Variants in SLC6A5 observed in about 807,000 individuals in gnomAD.
SLC6A5 encodes the protein solute carrier family 6 member 5.
A neutral mutation model predicts 90.5 loss-of-function variants in SLC6A5; 58 were observed. The observed-to-expected ratio is 0.64, with a 90% CI of 0.52 to 0.80. The LOEUF is 0.80. SLC6A5 is among the 30% of genes least tolerant of loss of function. SLC6A5 has a pLI of 0.00. For synonymous variants in SLC6A5, 427 were observed against 401.4 expected, an observed-to-expected ratio of 1.06 and a Z score of -0.76; for missense variants, 1,015 against 1,017.6, an observed-to-expected ratio of 1.00 and a Z score of 0.03.
At chr11:20,616,303 A>G (rs1400819936) in intron 6 of SLC6A5, among the ~76,000 whole-genome samples, 1 of 152,188 alleles carries the variant, frequency 6.6e-6, no homozygotes, top group Non-Finnish European at 1.5e-5. Context: ...GCACTGAGCA[A>G]CTGAGTCTGA....
At chr11:20,599,804 C>A in intron 1 of SLC6A5, 129 bp downstream of exon 1, 1 of 1,056,410 alleles carries the variant, frequency 9.5e-7, no homozygotes, top group Non-Finnish European at 1.5e-6. Context: ...ACGAGGAGAA[C>A]AATTCTCGCA....
At chr11:20,646,207 TCTC>T (rs1417306032) in intron 13 of SLC6A5, among the ~76,000 whole-genome samples, 1 of 152,172 alleles carries the variant, frequency 6.6e-6, no homozygotes, top group Non-Finnish European at 1.5e-5. Context: ...AGAGTAACCA[TCTC>T]CTCTGTTTTT....
chr11:20,633,863 C>T (rs959718227), intron 10 of SLC6A5, among the ~76,000 whole-genome samples: 1 of 152,050 alleles, frequency 6.6e-6, no homozygotes, highest in Non-Finnish European at 1.5e-5. Flanking sequence ...GCAAGAGGTA[C>T]AGCCAGTTTG....
chr11:20,655,662 G>A lies in SLC6A5; in HGVS notation c.*794G>A, dbSNP rs1475140705. 1 of 152,218 alleles carries A rather than the reference G, an allele frequency of 6.6e-6. No individual in the cohort carries two copies. Among genetic ancestry groups the A allele is most frequent in the African/African-American group, 2.4e-5 (1 of 41,406 alleles). 9.4% of individuals were successfully genotyped at this position (152,218 alleles called of 1,614,324 possible). A position where few individuals can be genotyped will look rare whatever the true frequency, so the allele number is the denominator to read the frequency against. ...CCTCATTTTGTACGTTCATAGTAGA[G>A]CTCCATGCTCATTTCTACATGATAT... On this transcript the variant is annotated 3_prime_UTR_variant, in exon 16 of 16. Transcript: ENST00000525748.
chr11:20,600,731 G>A (rs533813265), intron 1 of SLC6A5, among the ~76,000 whole-genome samples: 1 of 152,294 alleles, frequency 6.6e-6, no homozygotes, highest in Admixed American at 6.5e-5. Context: ...GAATGACAAA[G>A]GAAATGGGGC....
At chr11:20,652,194 G>A (rs1055629373) in intron 14 of SLC6A5, 95 bp from the exon 15 acceptor site, 43 of 1,150,146 alleles carry the variant, frequency 3.7e-5, no homozygotes, top group African/African-American at 1.1e-4. Flanking sequence ...TAATAGAGAC[G>A]AAAGCATCAA....
chr11:20,601,666 G>A lies in SLC6A5; in HGVS notation c.540+1G>A. ...CAGCGTGGCCACCGTTGCCACCCAG[G>A]TAAGCAGGTTGCATTACGGCCCGCA... On this transcript the variant is annotated splice_donor_variant, in intron 2 of 15. Coordinates refer to ENST00000525748, the MANE Select transcript of SLC6A5 (RefSeq NM_004211.5). LOFTEE classifies it high-confidence loss of function. The A allele has an allele frequency of 6.2e-7, 1 of 1,613,278 alleles. No individual in the cohort carries two copies.
At chr11:20,651,198 C>T (rs1391247779) in intron 14 of SLC6A5, among the ~76,000 whole-genome samples, 2 of 143,870 alleles carry the variant, frequency 1.4e-5, no homozygotes, top group Admixed American at 7.0e-5. Context: ...TGGGTTTCCC[C>T]TCCCTCCCCT....
At chr11:20,640,469 C>T (rs1414488471) in intron 13 of SLC6A5, among the ~76,000 whole-genome samples, 1 of 151,782 alleles carries the variant, frequency 6.6e-6, no homozygotes, top group Admixed American at 6.6e-5. Context: ...TGCTTTAGTC[C>T]CTGGGCTATG....
chr11:20,626,675 T>C, intron 7 of SLC6A5, 33 bp from the exon 8 acceptor site: 1 of 1,612,950 alleles, frequency 6.2e-7, no homozygotes, highest in South Asian at 1.1e-5. Flanking sequence ...GCAGGGCTGC[T>C]TCTTCCAGCC....
intron 6 of SLC6A5, 120 bp from the exon 7 acceptor site, chr11:20,617,631 TG>T: frequency 1.2e-6 from 1 of 824,688 alleles, no homozygotes. Context: ...GTGGGGTGGG[TG>T]GAGGATGCTG....
chr11:20,615,322 T>C (rs145382021), intron 6 of SLC6A5, among the ~76,000 whole-genome samples: 378 of 152,336 alleles, frequency 2.5e-3, no homozygotes, highest in Non-Finnish European at 4.8e-3. Context: ...TCAGCTACCA[T>C]TGGAAGATTT....
chr11:20,616,735 T>C (rs1852789717), intron 6 of SLC6A5, among the ~76,000 whole-genome samples: 1 of 152,184 alleles, frequency 6.6e-6, no homozygotes, highest in African/African-American at 2.4e-5. Context: ...AGAGGCTCTG[T>C]CTGCACAGGG....
chr11:20,643,199 A>G (rs1476981937), intron 13 of SLC6A5, among the ~76,000 whole-genome samples: 2 of 151,870 alleles, frequency 1.3e-5, no homozygotes, highest in Non-Finnish European at 2.9e-5. Flanking sequence ...ATTGATGCTA[A>G]TAATAGAAAT....
At chr11:20,608,946 CTCTCTCTCTCTCTGTGTGTGTGTGTG>C (rs55804261) in intron 5 of SLC6A5, among the ~76,000 whole-genome samples, 31,951 of 114,004 alleles carry the variant, frequency 0.28, 3,931 homozygotes, top group Non-Finnish European at 0.34. Context: ...CTCTCTCTCT[CTCTCTCTCTCTCTGTGTGTGTGTGTG>C]TGTGTGTGTG....
rs1473226241 is a variant in SLC6A5 at position 20,657,959 on chromosome 11, CTG to C, written c.*3094_*3095del. The C allele has an allele frequency of 6.6e-6, 1 of 152,238 alleles. No homozygotes were observed. Among genetic ancestry groups the C allele is most frequent in the African/African-American group, 2.4e-5 (1 of 41,536 alleles). The allele number at this position is 152,238 out of a possible 1,614,324, so 9.4% of individuals were successfully genotyped here. A position where few individuals can be genotyped will look rare whatever the true frequency, so the allele number is the denominator to read the frequency against. On this transcript the variant is annotated 3_prime_UTR_variant, in exon 16 of 16. Transcript: ENST00000525748. ...TTTATATTTATGTATTGCATGAGGT[CTG>C]TGGTCAATGCAAAATCATGATGACC... is the stretch of plus-strand genomic sequence containing the variant.
Position 20,617,760 on chromosome 11 carries a change from T to C in SLC6A5, c.1136T>C (p.Val379Ala). ...SGSEEYFKYFVLKISAGIEYP... is the reference protein window; with the variant it reads ...SGSEEYFKYFALKISAGIEYP... ...CTCCCTCCAACTCTCAGGTACTTTG[T>C]GCTGAAGATTTCTGCAGGGATTGAA... is the stretch of plus-strand genomic sequence containing the variant. The change falls in exon 7 of 16, where the codon GTG (valine) becomes GCG (alanine). Residue 379 changes from valine (V) to alanine (A), a missense_variant. Transcript: ENST00000525748. 1 of 1,614,008 alleles carries C rather than the reference T, an allele frequency of 6.2e-7. No homozygotes were observed. The highest frequency in any genetic ancestry group is 8.5e-7 in the Non-Finnish European group (1 of 1,179,986).
chr11:20,611,023 T>C (rs1030044467), intron 5 of SLC6A5, among the ~76,000 whole-genome samples: 2 of 152,334 alleles, frequency 1.3e-5, no homozygotes, highest in African/African-American at 2.4e-5. Flanking sequence ...AAACCAAAAA[T>C]TGAGTAACAC....
At position 20,602,763 on chromosome 11, in the gene SLC6A5, A is replaced by G. The variant is rs117884219; in HGVS notation, c.540+1098A>G. Among the ~76,000 whole-genome samples the G allele has an allele frequency of 4.7e-4, 72 of 152,348 alleles. No homozygotes were observed. The East Asian group carries it at 0.013, about 28-fold the overall frequency. On this transcript the variant is annotated intron_variant, in intron 2 of 15. Coordinates refer to ENST00000525748, the MANE Select transcript of SLC6A5 (RefSeq NM_004211.5). ...CATAGCAGGAGCTTGTGGTGTCAGA[A>G]CTAGAAATAAACATAGAATCTCCCA...
Sources: gnomAD v4.1 joint callset for allele counts (sites outside exome capture counted in the v4.1 genomes callset) on GRCh38, gnomAD v4.1.1 for gene constraint, MANE v1.5 for transcripts, NCBI Gene and HGNC (gene_info 2026-07-23, HGNC 2026-07-21) for gene names.